SLC4A10: variants seen among roughly 807,000 people sequenced by gnomAD.
SLC4A10 encodes sodium-driven chloride bicarbonate exchanger.
SLC4A10 carries 42 observed loss-of-function variants against 137.7 expected under a neutral mutation model. The observed-to-expected ratio is 0.30, with a 90% CI of 0.24 to 0.39. The LOEUF (loss-of-function observed/expected upper bound fraction) is 0.39, where lower values mean the gene tolerates loss of function less well. Among genes scored for constraint, SLC4A10 ranks in the 10% least tolerant of loss-of-function variants. The pLI, the probability that SLC4A10 is intolerant of heterozygous loss-of-function variation, is 1.00. For missense variants in SLC4A10, 925 were observed against 1,355.0 expected, an observed-to-expected ratio of 0.68 and a Z score of 4.98; for synonymous variants, 474 against 464.1, an observed-to-expected ratio of 1.02 and a Z score of -0.27.
At chr2:161,703,514 C>G (rs1030383590) in intron 1 of SLC4A10, among the ~76,000 whole-genome samples, 1 of 151,526 alleles carries the variant, frequency 6.6e-6, no homozygotes, top group Non-Finnish European at 1.5e-5. Context: ...ATTCTCCCCA[C>G]TTTTTTGATC....
chr2:161,976,390 G>C (rs1269144761), intron 24 of SLC4A10, among the ~76,000 whole-genome samples: 1 of 152,112 alleles, frequency 6.6e-6, no homozygotes, highest in Non-Finnish European at 1.5e-5. Context: ...GCTTATATGA[G>C]GCACTTAGAG....
intron 19 of SLC4A10, among the ~76,000 whole-genome samples, chr2:161,954,100 C>T (rs531261099): frequency 1.3e-5 from 2 of 152,210 alleles, no homozygotes; most frequent in East Asian, 3.9e-4. Flanking sequence ...CAATACAATC[C>T]CGGATCACTT....
chr2:161,881,474 A>G (rs1405755458), intron 9 of SLC4A10, among the ~76,000 whole-genome samples: 1 of 152,070 alleles, frequency 6.6e-6, no homozygotes, highest in African/African-American at 2.4e-5. Flanking sequence ...AAAAACATGT[A>G]CAATCTCTAA....
At chr2:161,926,540 A>G (rs1293066332) in intron 15 of SLC4A10, among the ~76,000 whole-genome samples, 2 of 149,662 alleles carry the variant, frequency 1.3e-5, no homozygotes, top group Non-Finnish European at 3.0e-5. Flanking sequence ...TTTTAATTAG[A>G]GCATTCAGCC....
intron 10 of SLC4A10, among the ~76,000 whole-genome samples, chr2:161,883,855 C>T (rs1321131643): frequency 6.6e-6 from 1 of 152,084 alleles, no homozygotes; most frequent in African/African-American, 2.4e-5. Context: ...ATCCTAAATC[C>T]ATCCAAATCA....
intron 3 of SLC4A10, among the ~76,000 whole-genome samples, chr2:161,818,436 T>C (rs2057315565): frequency 6.6e-6 from 1 of 152,162 alleles, no homozygotes; most frequent in Non-Finnish European, 1.5e-5. Flanking sequence ...ACAGGGACAA[T>C]GTGACTTCTT....
chr2:161,825,865 G>A (rs985586590), intron 3 of SLC4A10, among the ~76,000 whole-genome samples: 15 of 152,114 alleles, frequency 9.9e-5, no homozygotes, highest in African/African-American at 3.6e-4. Flanking sequence ...ATCCTTTATA[G>A]CCAGCCTCTG....
chr2:161,682,538 C>A (rs1391898608), intron 1 of SLC4A10, among the ~76,000 whole-genome samples: 1 of 151,996 alleles, frequency 6.6e-6, no homozygotes, highest in Non-Finnish European at 1.5e-5. Context: ...CAATGAGATG[C>A]TGTTTTGTTT....
At chr2:161,689,568 A>G (rs1462238340) in intron 1 of SLC4A10, among the ~76,000 whole-genome samples, 1 of 152,214 alleles carries the variant, frequency 6.6e-6, no homozygotes, top group Admixed American at 6.5e-5. Flanking sequence ...TGATGTTTGC[A>G]TCATGACGAA....
At chr2:161,752,001 C>T (rs1388042844) in intron 1 of SLC4A10, among the ~76,000 whole-genome samples, 1 of 151,960 alleles carries the variant, frequency 6.6e-6, no homozygotes, top group Non-Finnish European at 1.5e-5. Flanking sequence ...GCTAGTCATA[C>T]ATAAGATCAA....
intron 4 of SLC4A10, among the ~76,000 whole-genome samples, chr2:161,845,997 A>G (rs1373324176): frequency 7.9e-5 from 12 of 152,164 alleles, no homozygotes; most frequent in Non-Finnish European, 5.9e-5. Flanking sequence ...ACCAAAATTA[A>G]AATGTTTGTG....
chr2:161,707,398 T>G (rs2043790574), intron 1 of SLC4A10, among the ~76,000 whole-genome samples: 1 of 151,342 alleles, frequency 6.6e-6, no homozygotes, highest in Non-Finnish European at 1.5e-5. Flanking sequence ...GAGGGCTGTT[T>G]CAGGATAATA....
Position 161,755,165 on chromosome 2 carries a change from G to A in SLC4A10, c.49-15808G>A, listed in dbSNP as rs182959557. ...TTGCTACAAGGAATTTCGCTTAATCGGTATGCAGTTTTCCCCCTAAATTTC... is the reference window on the plus strand; with the variant it reads ...TTGCTACAAGGAATTTCGCTTAATCAGTATGCAGTTTTCCCCCTAAATTTC... On this transcript the variant is annotated intron_variant, in intron 1 of 26. Transcript: ENST00000446997. Among the ~76,000 whole-genome samples, 10 of 152,180 alleles carry A rather than the reference G, an allele frequency of 6.6e-5. No individual in the cohort carries two copies. In the East Asian group the frequency reaches 1.5e-3, roughly 23 times the overall value.
At chr2:161,741,362 G>A (rs1574689473) in intron 1 of SLC4A10, among the ~76,000 whole-genome samples, 1 of 150,460 alleles carries the variant, frequency 6.6e-6, no homozygotes, top group Admixed American at 6.6e-5. Context: ...TCTACTGTTA[G>A]CAAAATTTCA....
chr2:161,627,093 A>G (rs1201947072), intron 1 of SLC4A10, among the ~76,000 whole-genome samples: 1 of 152,184 alleles, frequency 6.6e-6, no homozygotes, highest in East Asian at 1.9e-4. Flanking sequence ...AATCAGTTAA[A>G]TAACTTATAT....
intron 23 of SLC4A10, among the ~76,000 whole-genome samples, chr2:161,968,619 C>G (rs971352279): frequency 1.3e-5 from 2 of 152,094 alleles, no homozygotes; most frequent in Non-Finnish European, 2.9e-5. Context: ...ATGATACTTT[C>G]ATGTGATCCT....
chr2:161,786,652 T>C (rs749126117), intron 2 of SLC4A10, among the ~76,000 whole-genome samples: 15 of 151,848 alleles, frequency 9.9e-5, no homozygotes, highest in Non-Finnish European at 1.5e-4. Flanking sequence ...AAGTTAATAT[T>C]GACGTGAAAT....
Position 161,904,865 on chromosome 2 carries a change from A to G in SLC4A10, c.1707A>G (p.Thr569=). 6.2e-7 allele frequency: 1 copy of G among 1,614,012 alleles called. No individual in the cohort carries two copies. Among genetic ancestry groups the G allele is most frequent in the South Asian group, 1.1e-5 (1 of 91,084 alleles). Residue 569 remains threonine (T), a synonymous_variant, in exon 14 of 27, where the codon ACA becomes ACG. Coordinates refer to ENST00000446997, the MANE Select transcript of SLC4A10 (RefSeq NM_001178015.2). ...AGCCTCTTACCATATTAGGCAGTACAGGACCAGTTTTGGTGTTTGAAAAGA... is the reference window on the plus strand; with the variant it reads ...AGCCTCTTACCATATTAGGCAGTACGGGACCAGTTTTGGTGTTTGAAAAGA... ...GGQPLTILGS[T]GPVLVFEKIL... is the part of the protein sequence containing the mutation.
chr2:161,626,162 C>G (rs908636029), intron 1 of SLC4A10, among the ~76,000 whole-genome samples: 5 of 151,998 alleles, frequency 3.3e-5, no homozygotes, highest in African/African-American at 1.2e-4. Flanking sequence ...AGGGAAACCC[C>G]CAACCCTTTT....
Sources: gnomAD v4.1 joint callset for allele counts (sites outside exome capture counted in the v4.1 genomes callset) on GRCh38, gnomAD v4.1.1 for gene constraint, MANE v1.5 for transcripts, NCBI Gene and HGNC (gene_info 2026-07-23, HGNC 2026-07-21) for gene names.